NKAIN3: variants seen among roughly 807,000 people sequenced by gnomAD.
NKAIN3 encodes sodium/potassium transporting ATPase interacting 3, also known as sodium/potassium-transporting ATPase subunit beta-1-interacting protein 3.
In NKAIN3, 25 loss-of-function variants were observed where a neutral mutation model predicts 30.2. That is an observed-to-expected ratio of 0.83 (90% confidence interval 0.60 to 1.16). The LOEUF (loss-of-function observed/expected upper bound fraction) is 1.16. Among genes scored for constraint, NKAIN3 ranks in the 50% most tolerant of loss-of-function variants. The pLI, the probability that NKAIN3 is intolerant of heterozygous loss-of-function variation, is 0.00. For synonymous variants in NKAIN3, 91 were observed against 89.6 expected (o/e 1.02, Z -0.09); for missense variants, 225 against 254.1 (o/e 0.89, Z 0.78).
chr8:62,788,104 A>T (rs865775255), intron 4 of NKAIN3, among the ~76,000 whole-genome samples: 21 of 152,144 alleles, frequency 1.4e-4, no homozygotes, highest in Non-Finnish European at 4.4e-5. Flanking sequence ...ATCCCTGAGG[A>T]ATCGCCACAC....
At chr8:62,586,054 A>G (rs1227427819) in intron 2 of NKAIN3, among the ~76,000 whole-genome samples, 1 of 152,238 alleles carries the variant, frequency 6.6e-6, no homozygotes, top group African/African-American at 2.4e-5. Context: ...TGAAATTAAA[A>G]TTAGCTCAAA....
intron 1 of NKAIN3, among the ~76,000 whole-genome samples, chr8:62,496,176 T>A (rs1807230876): frequency 6.6e-6 from 1 of 152,122 alleles, no homozygotes; most frequent in African/African-American, 2.4e-5. Context: ...GTTTATAATA[T>A]CTAAGCATAA....
chr8:62,422,403 T>C (rs1437522110), intron 1 of NKAIN3, among the ~76,000 whole-genome samples: 1 of 152,170 alleles, frequency 6.6e-6, no homozygotes, highest in Admixed American at 6.5e-5. Flanking sequence ...AAATTTTGAA[T>C]GCTATGCCAT....
intron 5 of NKAIN3, among the ~76,000 whole-genome samples, chr8:62,945,106 A>G (rs768663868): frequency 6.6e-6 from 1 of 152,174 alleles, no homozygotes; most frequent in African/African-American, 2.4e-5. Flanking sequence ...GCAGACAAAA[A>G]TTTTTCCCTT....
intron 1 of NKAIN3, among the ~76,000 whole-genome samples, chr8:62,320,451 G>A (rs984536193): frequency 1.3e-5 from 2 of 152,134 alleles, no homozygotes; most frequent in African/African-American, 4.8e-5. Flanking sequence ...AATTTGGCAT[G>A]TTTTTGCAGT....
intron 3 of NKAIN3, among the ~76,000 whole-genome samples, chr8:62,697,690 C>T (rs1304067289): frequency 1.3e-5 from 2 of 152,090 alleles, no homozygotes. Context: ...TGATTAATTT[C>T]AAAATGGTGT....
At chr8:62,380,082 G>A (rs1817223203) in intron 1 of NKAIN3, among the ~76,000 whole-genome samples, 1 of 152,112 alleles carries the variant, frequency 6.6e-6, no homozygotes. Flanking sequence ...AAAGGGGTTG[G>A]TAACTAGTAC....
intron 4 of NKAIN3, among the ~76,000 whole-genome samples, chr8:62,791,084 C>A (rs1817689999): frequency 6.6e-6 from 1 of 151,996 alleles, no homozygotes; most frequent in Non-Finnish European, 1.5e-5. Context: ...AGTCTTAAAA[C>A]TCCTCAAATC....
chr8:62,751,792 T>A (rs1172883248), intron 4 of NKAIN3, among the ~76,000 whole-genome samples: 1 of 149,684 alleles, frequency 6.7e-6, no homozygotes, highest in Non-Finnish European at 1.5e-5. Context: ...ATAGCTATTA[T>A]ACACAATGTT....
intron 3 of NKAIN3, among the ~76,000 whole-genome samples, chr8:62,727,416 A>G (rs908360267): frequency 6.6e-6 from 1 of 152,146 alleles, no homozygotes; most frequent in Non-Finnish European, 1.5e-5. Flanking sequence ...AACTTTGTTC[A>G]CAGATGCCAT....
chr8:62,924,060 C>G (rs1822365696), intron 5 of NKAIN3, among the ~76,000 whole-genome samples: 1 of 152,156 alleles, frequency 6.6e-6, no homozygotes, highest in African/African-American at 2.4e-5. Context: ...AGCCAGGATT[C>G]CTGATTATAA....
chr8:62,536,084 A>C (rs1479680423), intron 1 of NKAIN3, among the ~76,000 whole-genome samples: 1 of 152,212 alleles, frequency 6.6e-6, no homozygotes, highest in Non-Finnish European at 1.5e-5. Context: ...ATATGTGACT[A>C]TATATGTGAA....
chr8:62,717,279 A>G (rs1814937523), intron 3 of NKAIN3, among the ~76,000 whole-genome samples: 1 of 152,174 alleles, frequency 6.6e-6, no homozygotes, highest in Admixed American at 6.6e-5. Context: ...ATATTTTGGA[A>G]CTACTTCACT....
intron 3 of NKAIN3, among the ~76,000 whole-genome samples, chr8:62,740,187 G>T (rs1344446255): frequency 1.3e-5 from 2 of 152,028 alleles, no homozygotes; most frequent in African/African-American, 4.8e-5. Flanking sequence ...TAAGACATTT[G>T]CCCTAACTAT....
At chr8:62,667,720 G>T (rs903439550) in intron 3 of NKAIN3, among the ~76,000 whole-genome samples, 23 of 151,936 alleles carry the variant, frequency 1.5e-4, no homozygotes, top group African/African-American at 5.6e-4. Context: ...ATCAGATCAG[G>T]CCATCCTATC....
intron 3 of NKAIN3, among the ~76,000 whole-genome samples, chr8:62,651,461 T>C (rs893039211): frequency 6.6e-6 from 1 of 152,184 alleles, no homozygotes; most frequent in Non-Finnish European, 1.5e-5. Context: ...GTCTGTGTCT[T>C]AGTCAATTCA....
At chr8:62,816,250 G>A (rs1818675797) in intron 4 of NKAIN3, among the ~76,000 whole-genome samples, 1 of 152,150 alleles carries the variant, frequency 6.6e-6, no homozygotes, top group Admixed American at 6.6e-5. Flanking sequence ...TTGGTTCTGG[G>A]TAGGTGCAGT....
intron 1 of NKAIN3, among the ~76,000 whole-genome samples, chr8:62,391,065 T>G (rs1409039771): frequency 6.6e-6 from 1 of 152,182 alleles, no homozygotes; most frequent in Non-Finnish European, 1.5e-5. Flanking sequence ...TGTTTGTCAA[T>G]TTTTAATTTT....
Position 62,964,537 on chromosome 8 carries a change from AGTGTGTGTGTGT to A in NKAIN3, c.604-787_604-776del, listed in dbSNP as rs56313500. 3.9e-4 allele frequency among the ~76,000 whole-genome samples: 52 copies of A among 133,226 alleles called. 1 individual carries two copies. The highest frequency in any genetic ancestry group is 1.3e-3 in the South Asian group (5 of 3,910). 87.4% of individuals were successfully genotyped at this position (133,226 alleles called of 152,430 possible). A position where few individuals can be genotyped will look rare whatever the true frequency, so the allele number is the denominator to read the frequency against. On this transcript the variant is annotated intron_variant, in intron 6 of 6. Coordinates refer to ENST00000623646, the MANE Select transcript of NKAIN3 (RefSeq NM_001304533.3). ...CCAGTAGAGAAAGAGAGAGAGAGAGAGTGTGTGTGTGTGTGTGTGTGTGTGTGTGTGTGTGTG... is the reference window on the plus strand; with the variant it reads ...CCAGTAGAGAAAGAGAGAGAGAGAGAGTGTGTGTGTGTGTGTGTGTGTGTG...
Sources: gnomAD v4.1 joint callset for allele counts (sites outside exome capture counted in the v4.1 genomes callset) on GRCh38, gnomAD v4.1.1 for gene constraint, MANE v1.5 for transcripts, NCBI Gene and HGNC (gene_info 2026-07-23, HGNC 2026-07-21) for gene names.